Variants in SHISAL1 observed in about 807,000 individuals in gnomAD.
SHISAL1 encodes shisa like 1.
SHISAL1 carries 9 observed loss-of-function variants against 22.6 expected under a neutral mutation model. The observed-to-expected ratio is 0.40, with a 90% CI of 0.24 to 0.70. The LOEUF (loss-of-function observed/expected upper bound fraction) is 0.70, where lower values mean the gene tolerates loss of function less well. SHISAL1 is among the 30% of genes least tolerant of loss of function. The pLI is 0.39. For synonymous variants in SHISAL1, 119 were observed against 115.4 expected (o/e 1.03, Z -0.20); for missense variants, 246 against 270.6 (o/e 0.91, Z 0.64).
At chr22:44,275,537 CAG>C (rs2055233868) in intron 4 of SHISAL1, among the ~76,000 whole-genome samples, 1 of 152,204 alleles carries the variant, frequency 6.6e-6, no homozygotes, top group African/African-American at 2.4e-5. Flanking sequence ...CTACCTTGCA[CAG>C]AGAACCCACA....
rs552627791 is a variant in SHISAL1 at position 44,285,538 on chromosome 22, TGGGGCCCGCTGACCCGGCCGA to T, written c.468_488del (p.Arg157_Pro163del). ...GCGGGCCTGGGGGAGGCTGCGGCTG[TGGGGCCCGCTGACCCGGCCGA>T]GGGGCCCGAGCGGGGTTCCCCCACC... On this transcript the variant is annotated inframe_deletion, in exon 4 of 5. Transcript: ENST00000381176. 37,852 of 1,612,934 alleles carry T rather than the reference TGGGGCCCGCTGACCCGGCCGA, an allele frequency of 0.023. 534 individuals are homozygous for T. The highest frequency in any genetic ancestry group is 0.028 in the Non-Finnish European group (32,742 of 1,179,242).
chr22:44,267,704 T>C (rs2055174000), intron 4 of SHISAL1, among the ~76,000 whole-genome samples: 1 of 152,216 alleles, frequency 6.6e-6, no homozygotes, highest in African/African-American at 2.4e-5. Context: ...CCCACACTCA[T>C]GCCACCTGGC....
At chr22:44,255,299 G>A (rs762326893) in intron 4 of SHISAL1, among the ~76,000 whole-genome samples, 6 of 152,138 alleles carry the variant, frequency 3.9e-5, no homozygotes, top group Non-Finnish European at 7.3e-5. Flanking sequence ...TGGCCAACGT[G>A]TCTACTCGAT....
At position 44,292,966 on chromosome 22, in the gene SHISAL1, G is replaced by T. The variant is rs138141327; in HGVS notation, c.281+3706C>A. On this transcript the variant is annotated intron_variant, in intron 3 of 4. Transcript: ENST00000381176. The stretch of plus-strand genomic sequence containing the variant: ...CCTATGCAGCCTCAAGCCATTTAAG[G>T]CCCTCCAGGGACGCTTGATGGCCTC... Among the ~76,000 whole-genome samples, 53 of 152,308 alleles carry T rather than the reference G, an allele frequency of 3.5e-4. 1 individual carries two copies. In the East Asian group the frequency reaches 0.01, roughly 29 times the overall value.
intron 4 of SHISAL1, among the ~76,000 whole-genome samples, chr22:44,259,541 G>T (rs2055108111): frequency 6.6e-6 from 1 of 151,546 alleles, no homozygotes; most frequent in Non-Finnish European, 1.5e-5. Flanking sequence ...GCTGCTTCCT[G>T]GGTGGAGCCC....
chr22:44,318,057 T>G, the SHISAL1 span, among the ~76,000 whole-genome samples: 4 of 152,202 alleles, frequency 2.6e-5, no homozygotes, highest in Non-Finnish European at 4.4e-5. Flanking sequence ...AGGCCCCACA[T>G]TCAGGCTGGC....
At chr22:44,277,831 C>G (rs910574046) in intron 4 of SHISAL1, among the ~76,000 whole-genome samples, 1 of 152,150 alleles carries the variant, frequency 6.6e-6, no homozygotes, top group Non-Finnish European at 1.5e-5. Context: ...TTCCATCACA[C>G]GAGAGGCTCG....
chr22:44,326,651 G>A, the SHISAL1 span, among the ~76,000 whole-genome samples: 1 of 152,220 alleles, frequency 6.6e-6, no homozygotes, highest in African/African-American at 2.4e-5. Flanking sequence ...CATCTGTTGG[G>A]GTAGGTGTGC....
chr22:44,320,048 C>T, the SHISAL1 span, among the ~76,000 whole-genome samples: 1 of 152,174 alleles, frequency 6.6e-6, no homozygotes, highest in Non-Finnish European at 1.5e-5. Flanking sequence ...TTCCTTCCCC[C>T]GTCCCTTTCT....
chr22:44,251,105 C>G (rs1285236778), intron 4 of SHISAL1, among the ~76,000 whole-genome samples: 1 of 152,210 alleles, frequency 6.6e-6, no homozygotes, highest in Non-Finnish European at 1.5e-5. Context: ...ATCCAGCATA[C>G]CACCTATTGT....
At chr22:44,323,688 CATCT>C in the SHISAL1 span, among the ~76,000 whole-genome samples, 19 of 151,298 alleles carry the variant, frequency 1.3e-4, no homozygotes, top group Admixed American at 6.6e-4. Context: ...TCCATCCATC[CATCT>C]ATCATCCCTT....
At chr22:44,287,861 C>A (rs945358355) in intron 3 of SHISAL1, among the ~76,000 whole-genome samples, 2 of 152,090 alleles carry the variant, frequency 1.3e-5, no homozygotes, top group African/African-American at 4.8e-5. Flanking sequence ...CCTGCTGCAG[C>A]CCCCACGGAA....
At chr22:44,323,409 C>G in the SHISAL1 span, among the ~76,000 whole-genome samples, 6 of 145,044 alleles carry the variant, frequency 4.1e-5, no homozygotes, top group Non-Finnish European at 9.1e-5. Context: ...ATCCATCCAT[C>G]CATTCATTCA....
At chr22:44,318,636 A>C in the SHISAL1 span, among the ~76,000 whole-genome samples, 1 of 152,252 alleles carries the variant, frequency 6.6e-6, no homozygotes, top group Non-Finnish European at 1.5e-5. Flanking sequence ...GGATTAAATG[A>C]GATGATGTAT....
chr22:44,274,283 C>T (rs2055224725), intron 4 of SHISAL1, among the ~76,000 whole-genome samples: 1 of 152,036 alleles, frequency 6.6e-6, no homozygotes, highest in African/African-American at 2.4e-5. Flanking sequence ...TAGGGGCACC[C>T]CATGCTGGAG....
upstream of SHISAL1, among the ~76,000 whole-genome samples, chr22:44,315,050 G>A (rs1429114119): frequency 6.6e-6 from 1 of 152,148 alleles, no homozygotes; most frequent in Non-Finnish European, 1.5e-5. Flanking sequence ...AGTGGGCCCT[G>A]CTTGGGAGCG....
At chr22:44,290,902 T>G (rs1276791230) in intron 3 of SHISAL1, among the ~76,000 whole-genome samples, 5 of 152,098 alleles carry the variant, frequency 3.3e-5, no homozygotes, top group Non-Finnish European at 7.4e-5. Context: ...CACAGCAGGA[T>G]TGAGGTTGTC....
chr22:44,317,540 G>A (rs999844207), upstream of SHISAL1, among the ~76,000 whole-genome samples: 1 of 152,200 alleles, frequency 6.6e-6, no homozygotes, highest in African/African-American at 2.4e-5. Context: ...CATGCCTGTG[G>A]CCCCAACACC....
At chr22:44,328,879 A>G in the SHISAL1 span, among the ~76,000 whole-genome samples, 3 of 149,386 alleles carry the variant, frequency 2.0e-5, no homozygotes, top group African/African-American at 7.4e-5. Context: ...GTCTGCAGCC[A>G]CCTCCCAGAC....
Sources: gnomAD v4.1 joint callset for allele counts (sites outside exome capture counted in the v4.1 genomes callset) on GRCh38, gnomAD v4.1.1 for gene constraint, MANE v1.5 for transcripts, NCBI Gene and HGNC (gene_info 2026-07-23, HGNC 2026-07-21) for gene names.